The following ZC3H11A variants were observed in gnomAD, a reference collection of about 807,000 sequenced individuals.
ZC3H11A encodes the protein zinc finger CCCH domain-containing protein 11A.
ZC3H11A carries 22 observed loss-of-function variants against 90.8 expected under a neutral mutation model. The observed-to-expected ratio is 0.24, with a 90% CI of 0.17 to 0.35. ZC3H11A has a LOEUF of 0.35. ZC3H11A is among the 10% of genes least tolerant of loss of function. The probability of loss-of-function intolerance (pLI) is 1.00; values close to 1 mark genes in which losing one functional copy is unlikely to be tolerated. For missense variants in ZC3H11A, 701 were observed against 964.9 expected (o/e 0.73, Z 3.62); for synonymous variants, 294 against 339.8 (o/e 0.87, Z 1.48).
chr1:203,816,198 A>G (rs180829879), intron 2 of ZC3H11A, among the ~76,000 whole-genome samples: 1 of 152,336 alleles, frequency 6.6e-6, no homozygotes, highest in East Asian at 1.9e-4. Context: ...ATTCTACTTT[A>G]TCATATTTTG....
chr1:203,825,076 C>CAAAAAAA (rs61108073), intron 4 of ZC3H11A, among the ~76,000 whole-genome samples: 6 of 108,948 alleles, frequency 5.5e-5, no homozygotes, highest in African/African-American at 7.2e-5. Context: ...GACTCCGTCT[C>CAAAAAAA]AAAAAAAAAA....
chr1:203,819,979 G>A lies in ZC3H11A; in HGVS notation c.174+1290G>A, dbSNP rs577346625. ...AGGCTGGGCTCAGTGGCTCACGCCT[G>A]TAATCCCAGCACTTTACTAGGCTGA... On this transcript the variant is annotated intron_variant, in intron 4 of 17. Transcript: ENST00000367210. Among the ~76,000 whole-genome samples the A allele has an allele frequency of 1.7e-4, 26 of 151,262 alleles. No individual in the cohort carries two copies. The South Asian group carries it at 5.3e-3, about 31-fold the overall frequency.
intron 4 of ZC3H11A, among the ~76,000 whole-genome samples, chr1:203,820,466 T>TTGTGTGTGTGTGTG (rs144962991): frequency 0.096 from 13,052 of 136,404 alleles, 825 homozygotes; most frequent in East Asian, 0.2. Context: ...ATATCACAAA[T>TTGTGTGTGTGTGTG]TATGTGTGTG....
chr1:203,838,597 T>C (rs1348529517), intron 11 of ZC3H11A, among the ~76,000 whole-genome samples: 4 of 152,184 alleles, frequency 2.6e-5, no homozygotes, highest in Non-Finnish European at 4.4e-5. Context: ...GATCATAATA[T>C]AGTCTTTAAG....
Position 203,799,113 on chromosome 1 carries a change from G to A in ZC3H11A, c.-1587-2462G>A. ...GGCAGTGCTTTGTGTTACAGGTTTG[G>A]CTAAAGACTGTTTGATAACCAATAT... On this transcript the variant is annotated intron_variant, in intron 1 of 17. Coordinates refer to ENST00000367210, the MANE Select transcript of ZC3H11A (RefSeq NM_001376342.1). 1.3e-6 allele frequency: 2 copies of A among 1,531,700 alleles called. No homozygotes were observed. The highest frequency in any genetic ancestry group is 1.7e-6 in the Non-Finnish European group (2 of 1,142,948). The allele number at this position is 1,531,700 out of a possible 1,614,324, so 94.9% of individuals were successfully genotyped here.
intron 1 of ZC3H11A, chr1:203,798,608 C>T (rs1295182325): frequency 2.0e-6 from 3 of 1,536,090 alleles, no homozygotes; most frequent in Non-Finnish European, 2.6e-6. Context: ...CAGCTGAGGA[C>T]CTTAGTGACT....
At chr1:203,835,080 C>T (rs1683832934) in intron 10 of ZC3H11A, among the ~76,000 whole-genome samples, 1 of 152,190 alleles carries the variant, frequency 6.6e-6, no homozygotes, top group African/African-American at 2.4e-5. Context: ...TCTTCAGAAC[C>T]GTTCTGAACT....
chr1:203,814,425 G>C (rs1675558292), intron 2 of ZC3H11A, among the ~76,000 whole-genome samples: 1 of 152,158 alleles, frequency 6.6e-6, no homozygotes, highest in Non-Finnish European at 1.5e-5. Flanking sequence ...TTGGGAGACT[G>C]AGGCGGGAGA....
chr1:203,823,496 C>A (rs1460053015), intron 4 of ZC3H11A, among the ~76,000 whole-genome samples: 1 of 152,208 alleles, frequency 6.6e-6, no homozygotes, highest in Non-Finnish European at 1.5e-5. Context: ...AGATGTTCAG[C>A]ATTAACCATA....
intron 1 of ZC3H11A, chr1:203,801,257 A>G (rs941714792): frequency 3.9e-5 from 6 of 152,170 alleles, no homozygotes; most frequent in African/African-American, 1.2e-4. Context: ...CCCAGTAGAC[A>G]TTTCCCAAAG....
At chr1:203,834,494 A>G (rs904189530) in intron 10 of ZC3H11A, among the ~76,000 whole-genome samples, 2 of 151,908 alleles carry the variant, frequency 1.3e-5, no homozygotes, top group Admixed American at 1.3e-4. Flanking sequence ...CTGGTCTCCA[A>G]CTCCTGGGCT....
chr1:203,811,828 T>C lies in ZC3H11A; in HGVS notation c.-145-5098T>C, dbSNP rs144042437. 2.4e-3 allele frequency among the ~76,000 whole-genome samples: 369 copies of C among 151,956 alleles called. 9 individuals carry two copies. In the East Asian group the frequency reaches 0.063, roughly 26 times the overall value. On this transcript the variant is annotated intron_variant, in intron 2 of 17. Coordinates refer to ENST00000367210, the MANE Select transcript of ZC3H11A (RefSeq NM_001376342.1). ...CAGATAGCTTTGTCTTTTTCTTTTT[T>C]TTTTTTTTTAGACAGGTCTCACTGT...
intron 12 of ZC3H11A, among the ~76,000 whole-genome samples, chr1:203,843,018 G>C (rs1284578080): frequency 1.3e-5 from 2 of 151,274 alleles, no homozygotes; most frequent in African/African-American, 4.9e-5. Flanking sequence ...AGCCACCTTA[G>C]GTTACTTTTT....
intron 4 of ZC3H11A, among the ~76,000 whole-genome samples, chr1:203,827,310 A>G (rs1680838099): frequency 6.6e-6 from 1 of 151,652 alleles, no homozygotes; most frequent in Non-Finnish European, 1.5e-5. Flanking sequence ...CATACATCCT[A>G]TGATTCAGCA....
intron 7 of ZC3H11A, 79 bp from the exon 8 acceptor site, chr1:203,830,044 T>C: frequency 2.9e-6 from 4 of 1,357,268 alleles, no homozygotes; most frequent in Non-Finnish European, 3.1e-6. Flanking sequence ...TATTCAAAAA[T>C]AAATGCCTGC....
intron 12 of ZC3H11A, among the ~76,000 whole-genome samples, chr1:203,842,603 GA>G (rs1686745703): frequency 6.8e-6 from 1 of 147,644 alleles, no homozygotes; most frequent in Non-Finnish European, 1.5e-5. Context: ...AGACCGGGGA[GA>G]GGGGGAGGGG....
chr1:203,824,970 G>A (rs1160151423), intron 4 of ZC3H11A, among the ~76,000 whole-genome samples: 4 of 151,652 alleles, frequency 2.6e-5, no homozygotes, highest in African/African-American at 4.8e-5. Context: ...CCAGCTACTC[G>A]GGAGGCTGAG....
intron 4 of ZC3H11A, among the ~76,000 whole-genome samples, chr1:203,824,945 C>T (rs1019033793): frequency 2.6e-5 from 4 of 151,886 alleles, no homozygotes; most frequent in African/African-American, 4.8e-5. Context: ...GGCATGGTGA[C>T]ACGTGCCTAT....
chr1:203,796,631 G>A, intron 1 of ZC3H11A: 2 of 395,668 alleles, frequency 5.1e-6, no homozygotes, highest in Non-Finnish European at 4.5e-6. Context: ...GGGGGAAGGG[G>A]AGGGATCAAT....
Sources: gnomAD v4.1 joint callset for allele counts (sites outside exome capture counted in the v4.1 genomes callset) on GRCh38, gnomAD v4.1.1 for gene constraint, MANE v1.5 for transcripts, NCBI Gene and HGNC (gene_info 2026-07-23, HGNC 2026-07-21) for gene names.